KCTD16: variants seen among roughly 807,000 people sequenced by gnomAD.
KCTD16 encodes the protein potassium channel tetramerization domain containing 16.
A neutral mutation model predicts 33.2 loss-of-function variants in KCTD16; 13 were observed. The observed-to-expected ratio is 0.39, with a 90% CI of 0.25 to 0.62. KCTD16 has a LOEUF of 0.62. Ranked by LOEUF, KCTD16 falls within the 20% of genes least tolerant of loss-of-function variation. KCTD16 has a pLI of 0.50. For synonymous variants in KCTD16, 197 were observed against 195.3 expected (o/e 1.01, Z -0.07); for missense variants, 441 against 525.1 (o/e 0.84, Z 1.57).
At chr5:144,452,109 C>T (rs1753955745) in intron 3 of KCTD16, among the ~76,000 whole-genome samples, 1 of 148,280 alleles carries the variant, frequency 6.7e-6, no homozygotes, top group African/African-American at 2.6e-5. Flanking sequence ...TTACATTTCA[C>T]CCCGCTGCTC....
chr5:144,214,216 T>G (rs534459343), intron 3 of KCTD16, among the ~76,000 whole-genome samples: 4 of 152,214 alleles, frequency 2.6e-5, no homozygotes, highest in African/African-American at 9.6e-5. Context: ...TTCTCCTTCA[T>G]CTCCCTCAGG....
intron 3 of KCTD16, among the ~76,000 whole-genome samples, chr5:144,229,414 A>G (rs1754031083): frequency 6.6e-6 from 1 of 152,152 alleles, no homozygotes; most frequent in South Asian, 2.1e-4. Context: ...GAGCTTATGG[A>G]GGGTCAATGA....
chr5:144,187,250 G>A (rs886461774), intron 2 of KCTD16, among the ~76,000 whole-genome samples: 3 of 151,966 alleles, frequency 2.0e-5, no homozygotes, highest in African/African-American at 7.3e-5. Flanking sequence ...ATAATGCATT[G>A]TACTGGCTCA....
At chr5:144,184,722 G>A (rs1752691204) in intron 2 of KCTD16, among the ~76,000 whole-genome samples, 2 of 152,088 alleles carry the variant, frequency 1.3e-5, no homozygotes, top group Admixed American at 1.3e-4. Flanking sequence ...GTGAGTGTGA[G>A]GTGATATCTT....
At chr5:144,297,789 A>AG (rs1756086203) in intron 3 of KCTD16, among the ~76,000 whole-genome samples, 1 of 152,236 alleles carries the variant, frequency 6.6e-6, no homozygotes, top group Non-Finnish European at 1.5e-5. Context: ...GCACAGCGGG[A>AG]GGGACAAAGA....
rs146330372 is a variant in KCTD16 at position 144,253,415 on chromosome 5, G to A, written c.832+45869G>A. ...CTTATCACAGGCTATGATGTTTCCT[G>A]TGTTCTTGTATCTTCATGATGCCAA... On this transcript the variant is annotated intron_variant, in intron 3 of 3. Coordinates refer to ENST00000512467, the MANE Select transcript of KCTD16 (RefSeq NM_020768.4). 9.3e-3 allele frequency among the ~76,000 whole-genome samples: 1,421 copies of A among 152,292 alleles called. 35 individuals are homozygous for A. The highest frequency in any genetic ancestry group is 0.043 in the Admixed American group (665 of 15,292).
chr5:144,363,873 G>T (rs1751773389), intron 3 of KCTD16, among the ~76,000 whole-genome samples: 1 of 152,178 alleles, frequency 6.6e-6, no homozygotes, highest in African/African-American at 2.4e-5. Flanking sequence ...TAGTGGTACT[G>T]CTGTTATGAT....
At chr5:144,429,512 G>A (rs1394475289) in intron 3 of KCTD16, among the ~76,000 whole-genome samples, 1 of 152,072 alleles carries the variant, frequency 6.6e-6, no homozygotes, top group African/African-American at 2.4e-5. Context: ...ATCTTGGGAA[G>A]AACTCTGGAC....
intron 3 of KCTD16, among the ~76,000 whole-genome samples, chr5:144,425,028 AG>A (rs772748647): frequency 2.5e-4 from 38 of 152,260 alleles, no homozygotes; most frequent in Middle Eastern, 3.4e-3. Flanking sequence ...TCCAAAGTCC[AG>A]AGTCTCATCT....
chr5:144,468,462 C>G (rs1033476092), intron 3 of KCTD16, among the ~76,000 whole-genome samples: 2 of 152,202 alleles, frequency 1.3e-5, no homozygotes, highest in Non-Finnish European at 2.9e-5. Context: ...CACTGGGCCC[C>G]TCCAAGACCA....
chr5:144,282,294 A>G (rs750408274), intron 3 of KCTD16, among the ~76,000 whole-genome samples: 1 of 152,102 alleles, frequency 6.6e-6, no homozygotes, highest in Non-Finnish European at 1.5e-5. Flanking sequence ...AACATGGGAG[A>G]TTCTTGGAGG....
chr5:144,220,553 T>A (rs1753714128), intron 3 of KCTD16, among the ~76,000 whole-genome samples: 1 of 145,516 alleles, frequency 6.9e-6, no homozygotes, highest in Non-Finnish European at 1.6e-5. Flanking sequence ...GCAGGTTATA[T>A]GTATATTTAT....
intron 3 of KCTD16, among the ~76,000 whole-genome samples, chr5:144,418,521 C>A (rs1017320): frequency 2.0e-5 from 3 of 152,114 alleles, no homozygotes; most frequent in Non-Finnish European, 4.4e-5. Flanking sequence ...CAGAAAAGTT[C>A]TCCAAGTCAC....
intron 3 of KCTD16, among the ~76,000 whole-genome samples, chr5:144,288,294 C>T (rs1267058309): frequency 2.6e-5 from 4 of 152,170 alleles, no homozygotes; most frequent in Admixed American, 2.0e-4. Flanking sequence ...ATTTGTGAAA[C>T]TCAAATTTGC....
chr5:144,189,512 AAAAAAG>A lies in KCTD16; in HGVS notation c.-327+15051_-327+15056del, dbSNP rs1284816334. 5.9e-5 allele frequency among the ~76,000 whole-genome samples: 9 copies of A among 151,562 alleles called. No individual in the cohort carries two copies. The East Asian group carries it at 1.5e-3, about 26-fold the overall frequency. ...CTCCATCTCAAAAAAAAAAAAAAAG[AAAAAAG>A]AAAAAGAAAATGTAGAGCAGGTACA... On this transcript the variant is annotated intron_variant, in intron 2 of 3. Transcript: ENST00000512467.
At chr5:144,196,701 G>T (rs562762711) in intron 2 of KCTD16, among the ~76,000 whole-genome samples, 1 of 152,226 alleles carries the variant, frequency 6.6e-6, no homozygotes, top group East Asian at 1.9e-4. Flanking sequence ...CACTCCATTT[G>T]TTCATAGGCA....
At chr5:144,209,059 A>T (rs967948699) in intron 3 of KCTD16, among the ~76,000 whole-genome samples, 6 of 152,198 alleles carry the variant, frequency 3.9e-5, no homozygotes, top group Admixed American at 3.3e-4. Context: ...TATCTTCTCC[A>T]AACTTTTTGG....
At chr5:144,375,912 G>A (rs762759495) in intron 3 of KCTD16, among the ~76,000 whole-genome samples, 14 of 151,992 alleles carry the variant, frequency 9.2e-5, no homozygotes, top group Non-Finnish European at 1.9e-4. Flanking sequence ...CTGGGTTCAA[G>A]TGATTCTCCT....
At chr5:144,473,620 G>A in intron 3 of KCTD16, 40 bp from the exon 4 acceptor site, 1 of 1,538,502 alleles carries the variant, frequency 6.5e-7, no homozygotes, top group South Asian at 1.2e-5. Flanking sequence ...CAACTGACCT[G>A]GCTGGCATTA....
Sources: gnomAD v4.1 joint callset for allele counts (sites outside exome capture counted in the v4.1 genomes callset) on GRCh38, gnomAD v4.1.1 for gene constraint, MANE v1.5 for transcripts, NCBI Gene and HGNC (gene_info 2026-07-23, HGNC 2026-07-21) for gene names.